Variants in CDH1 observed in about 807,000 individuals in gnomAD.
The protein encoded by CDH1 is cadherin-1.
In CDH1, 35 loss-of-function variants were observed where a neutral mutation model predicts 84.5. The ratio of observed to expected loss-of-function variants is 0.41; its 90% CI spans 0.32 to 0.55. CDH1 has a LOEUF of 0.55. CDH1 is among the 20% of genes least tolerant of loss of function. The pLI is 0.19. For synonymous variants in CDH1, 417 were observed against 439.0 expected (o/e 0.95, Z 0.63); for missense variants, 994 against 1,126.6 (o/e 0.88, Z 1.68).
chr16:68,798,907 T>A lies in CDH1; in HGVS notation c.164-2763T>A, dbSNP rs79567964. On this transcript the variant is annotated intron_variant, in intron 2 of 15. Transcript: ENST00000261769. ...GCATTTCTTCTTGATTCTTTCATCA[T>A]CTTATGGCTCAGCTGTTCAGTTAAC... is the stretch of plus-strand genomic sequence containing the variant. Among the ~76,000 whole-genome samples, 169 of 152,338 alleles carry A rather than the reference T, an allele frequency of 1.1e-3. 3 individuals carry two copies. The East Asian group carries it at 0.031, about 28-fold the overall frequency.
At chr16:68,786,150 A>G (rs7199649) in intron 2 of CDH1, among the ~76,000 whole-genome samples, 20,920 of 151,148 alleles carry the variant, frequency 0.14, 1,423 homozygotes, top group South Asian at 0.2. Flanking sequence ...TTCTTTTCTT[A>G]TTATTTTTGC....
intron 2 of CDH1, among the ~76,000 whole-genome samples, chr16:68,788,295 T>A (rs1005037383): frequency 2.0e-5 from 3 of 152,226 alleles, no homozygotes; most frequent in Non-Finnish European, 4.4e-5. Flanking sequence ...CATTGAGATT[T>A]AATTTACATA....
intron 2 of CDH1, among the ~76,000 whole-genome samples, chr16:68,796,499 G>C (rs1490557362): frequency 6.6e-6 from 1 of 152,226 alleles, no homozygotes; most frequent in Non-Finnish European, 1.5e-5. Context: ...GATCGTCAAA[G>C]TGGGACTGTT....
Position 68,761,224 on chromosome 16 carries a change from G to A in CDH1, c.163+22813G>A, listed in dbSNP as rs35030316. Among the ~76,000 whole-genome samples, 1,517 of 152,310 alleles carry A rather than the reference G, an allele frequency of 1.0e-2. 25 individuals carry two copies. Among genetic ancestry groups the A allele is most frequent in the African/African-American group, 0.035 (1,435 of 41,572 alleles). On this transcript the variant is annotated intron_variant, in intron 2 of 15. Coordinates refer to ENST00000261769, the MANE Select transcript of CDH1 (RefSeq NM_004360.5). ...CAAGCTGGGAGAACTTGGAGAACCC[G>A]GACAGCAGGTCCTCTGCCCTCCCGC...
At chr16:68,831,299 C>G (rs1011764468) in intron 15 of CDH1, among the ~76,000 whole-genome samples, 2 of 149,650 alleles carry the variant, frequency 1.3e-5, no homozygotes, top group African/African-American at 4.9e-5. Context: ...CCATGTTAAC[C>G]AGATGGTCTC....
chr16:68,825,803 CT>C lies in CDH1; in HGVS notation c.2164+2202del, dbSNP rs869187109. On this transcript the variant is annotated intron_variant, in intron 13 of 15. Transcript: ENST00000261769. ...CCAGTACATTCATTCTAAAGGGAAT[CT>C]TTTTTTTTTTTTTTTTTTTTTTTTA... Among the ~76,000 whole-genome samples, 426 of 94,524 alleles carry C rather than the reference CT, an allele frequency of 4.5e-3. 1 individual carries two copies. Among genetic ancestry groups the C allele is most frequent in the Middle Eastern group, 6.3e-3 (1 of 160 alleles). The allele number at this position is 94,524 out of a possible 152,430, so 62.0% of individuals were successfully genotyped here. A position where few individuals can be genotyped will look rare whatever the true frequency, so the allele number is the denominator to read the frequency against.
At chr16:68,812,688 A>C (rs1293972229) in intron 8 of CDH1, among the ~76,000 whole-genome samples, 3 of 152,200 alleles carry the variant, frequency 2.0e-5, no homozygotes, top group Non-Finnish European at 4.4e-5. Context: ...ATTGTATGCC[A>C]AGGATATTAC....
intron 8 of CDH1, 74 bp from the exon 9 acceptor site, chr16:68,813,239 C>A: frequency 7.0e-7 from 1 of 1,434,132 alleles, no homozygotes; most frequent in Non-Finnish European, 9.8e-7. Flanking sequence ...AAAGAGGAAT[C>A]CTTTAGCCCC....
intron 6 of CDH1, among the ~76,000 whole-genome samples, chr16:68,811,066 C>T (rs141654805): frequency 3.3e-5 from 5 of 151,866 alleles, no homozygotes; most frequent in African/African-American, 4.8e-5. Context: ...CCTAAACAAT[C>T]CCCCTTGGTC....
chr16:68,829,013 T>C (rs1354135760), intron 14 of CDH1, among the ~76,000 whole-genome samples: 1 of 152,138 alleles, frequency 6.6e-6, no homozygotes, highest in Non-Finnish European at 1.5e-5. Flanking sequence ...GTATATTGTA[T>C]CAGTGAGCAA....
At chr16:68,792,589 A>G (rs1432831688) in intron 2 of CDH1, among the ~76,000 whole-genome samples, 1 of 152,142 alleles carries the variant, frequency 6.6e-6, no homozygotes, top group Admixed American at 6.6e-5. Context: ...GGTTCTGATC[A>G]ACACCCATGG....
At chr16:68,826,331 G>C (rs915753953) in intron 13 of CDH1, among the ~76,000 whole-genome samples, 1 of 151,718 alleles carries the variant, frequency 6.6e-6, no homozygotes, top group South Asian at 2.1e-4. Context: ...TTCTTTATTA[G>C]AGATGGGTTC....
chr16:68,827,151 G>A lies in CDH1; in HGVS notation c.2165-1023G>A, dbSNP rs549193469. Among the ~76,000 whole-genome samples, 25 of 152,152 alleles carry A rather than the reference G, an allele frequency of 1.6e-4. No individual in the cohort carries two copies. The East Asian group carries it at 4.1e-3, about 25-fold the overall frequency. ...CTGGGCATGGTGGCAGGTGCTTGTA[G>A]TCCTACCTACTTGGGAGGCTGAGGC... is the stretch of plus-strand genomic sequence containing the variant. On this transcript the variant is annotated intron_variant, in intron 13 of 15. Transcript: ENST00000261769.
chr16:68,772,880 T>C (rs1284979496), intron 2 of CDH1, among the ~76,000 whole-genome samples: 1 of 152,014 alleles, frequency 6.6e-6, no homozygotes. Flanking sequence ...TGAGCCATGA[T>C]TGTGTCACTG....
At position 68,819,337 on chromosome 16, in the gene CDH1, C is replaced by T. The variant is rs376662384; in HGVS notation, c.1623C>T (p.Ala541=). The T allele has an allele frequency of 1.9e-6, 3 of 1,614,002 alleles. No individual in the cohort carries two copies. Among genetic ancestry groups the T allele is most frequent in the African/African-American group, 2.7e-5 (2 of 74,898 alleles). ...NWLEINPDTG[A]ISTRAELDRE... ...TGGAGATTAATCCGGACACTGGTGC[C>T]ATTTCCACTCGGGCTGAGCTGGACA... Residue 541 remains alanine (A), a synonymous_variant, in exon 11 of 16, where the codon GCC becomes GCT. Coordinates refer to ENST00000261769, the MANE Select transcript of CDH1 (RefSeq NM_004360.5).
At chr16:68,769,834 C>T (rs553669596) in intron 2 of CDH1, among the ~76,000 whole-genome samples, 11 of 152,056 alleles carry the variant, frequency 7.2e-5, no homozygotes, top group East Asian at 3.9e-4. Context: ...TATGCCATCA[C>T]GCCTGGCTAA....
At position 68,829,524 on chromosome 16, in the gene CDH1, A is replaced by C. The variant is rs1418288284; in HGVS notation, c.2296-130A>C. 4 of 941,190 alleles carry C rather than the reference A, an allele frequency of 4.2e-6. No individual in the cohort carries two copies. The African/African-American group carries it at 6.5e-5, about 15-fold the overall frequency. The allele number at this position is 941,190 out of a possible 1,614,324, so 58.3% of individuals were successfully genotyped here. On this transcript the variant is annotated intron_variant, in intron 14 of 15. Transcript: ENST00000261769. ...AGCTTGAAAACTGTCATTTTGCATT[A>C]AACTGGTAAAGATCATACAGTTGGC...
rs992809037 is a variant in CDH1 at position 68,769,502 on chromosome 16, T to A, written c.163+31091T>A. Among the ~76,000 whole-genome samples the A allele has an allele frequency of 2.0e-5, 3 of 150,974 alleles. No individual in the cohort carries two copies. In the East Asian group the frequency reaches 5.9e-4, roughly 30 times the overall value. On this transcript the variant is annotated intron_variant, in intron 2 of 15. Coordinates refer to ENST00000261769, the MANE Select transcript of CDH1 (RefSeq NM_004360.5). Reference sequence around the variant, plus strand: ...TTTCCTCTTTTTAATTGAGACAGGGTCTCACTATGTTGCCCAGGCTGGTCT... The same window carrying A: ...TTTCCTCTTTTTAATTGAGACAGGGACTCACTATGTTGCCCAGGCTGGTCT...
chr16:68,806,041 A>G (rs1048317325), intron 3 of CDH1, among the ~76,000 whole-genome samples: 5 of 152,054 alleles, frequency 3.3e-5, no homozygotes, highest in African/African-American at 1.2e-4. Context: ...TCTGCCTCCC[A>G]GATTCAAGCT....
Sources: allele counts gnomAD v4.1 joint callset (sites outside exome capture counted in the v4.1 genomes callset), GRCh38; gene constraint gnomAD v4.1.1; transcripts MANE v1.5; gene names NCBI Gene and HGNC (gene_info 2026-07-23, HGNC 2026-07-21).